ZNF395: variants seen among roughly 807,000 people sequenced by gnomAD.
ZNF395 encodes the protein zinc finger protein 395.
In ZNF395, 20 loss-of-function variants were observed where a neutral mutation model predicts 57.7. The observed-to-expected ratio is 0.35, with a 90% CI of 0.24 to 0.50. The LOEUF is 0.50. Ranked by LOEUF, ZNF395 falls within the 20% of genes least tolerant of loss-of-function variation. The pLI, the probability that ZNF395 is intolerant of heterozygous loss-of-function variation, is 0.97. For missense variants in ZNF395, 606 were observed against 671.2 expected, an observed-to-expected ratio of 0.90 and a Z score of 1.07; for synonymous variants, 295 against 275.9, an observed-to-expected ratio of 1.07 and a Z score of -0.69.
chr8:28,385,606 TG>T (rs1445404295), intron 1 of ZNF395, among the ~76,000 whole-genome samples: 1 of 147,946 alleles, frequency 6.8e-6, no homozygotes, highest in Non-Finnish European at 1.5e-5. Context: ...CCGGCCGGAG[TG>T]GGCAGGAACC....
rs1801636667 is a variant in ZNF395 at position 28,348,562 on chromosome 8, G to A, written c.*157C>T. ...AAAAAATAAAATGTTCGCACAATGG[G>A]AGAAAATTGCTTTAAGTGTTACACC... On this transcript the variant is annotated 3_prime_UTR_variant, in exon 10 of 10. Coordinates refer to ENST00000344423, the MANE Select transcript of ZNF395 (RefSeq NM_018660.3). 7.7e-6 allele frequency: 5 copies of A among 646,350 alleles called. No individual in the cohort carries two copies. The East Asian group carries it at 1.4e-4, about 18-fold the overall frequency. The allele number at this position is 646,350 out of a possible 1,614,324, so 40.0% of individuals were successfully genotyped here. A position where few individuals can be genotyped will look rare whatever the true frequency, so the allele number is the denominator to read the frequency against.
rs1046781457 is a variant in ZNF395, at chr8:28,346,504, G to C, written c.*2215C>G. ...GCAGGGAAGGTGGCACCAAAACCTA[G>C]TAAGAACAAAGCAAAACCACCGTGG... On this transcript the variant is annotated 3_prime_UTR_variant, in exon 10 of 10. Coordinates refer to ENST00000344423, the MANE Select transcript of ZNF395 (RefSeq NM_018660.3). The C allele has an allele frequency of 6.6e-6, 1 of 152,448 alleles. No homozygotes were observed. Among genetic ancestry groups the C allele is most frequent in the African/African-American group, 2.4e-5 (1 of 41,434 alleles). The allele number at this position is 152,448 out of a possible 1,614,324, so 9.4% of individuals were successfully genotyped here.
intron 1 of ZNF395, 27 bp from the exon 2 acceptor site, chr8:28,361,209 G>A (rs771970906): frequency 1.6e-5 from 26 of 1,591,628 alleles, no homozygotes; most frequent in East Asian, 1.3e-4. Context: ...GCTTTCAGGA[G>A]GGAGCCCCAC....
At chr8:28,379,198 T>C (rs1340986376) in intron 1 of ZNF395, among the ~76,000 whole-genome samples, 1 of 152,240 alleles carries the variant, frequency 6.6e-6, no homozygotes, top group Non-Finnish European at 1.5e-5. Context: ...TTCCCTATCC[T>C]ACAGCATCCT....
Position 28,351,681 on chromosome 8 carries a change from G to A in ZNF395, c.1047C>T (p.Pro349=), listed in dbSNP as rs1288339539. The change falls in exon 7 of 10, where the codon CCC becomes CCT. Residue 349 remains proline (P), a synonymous_variant. Coordinates refer to ENST00000344423, the MANE Select transcript of ZNF395 (RefSeq NM_018660.3). ...AAAGTPVPGT[P]TSEPAPTPSM... ...TGGGGGTGGGAGCTGGCTCGGAGGT[G>A]GGAGTCCCAGGGACTGGGGTGCCTG... 6 of 1,612,146 alleles carry A rather than the reference G, an allele frequency of 3.7e-6. No individual in the cohort carries two copies. Among genetic ancestry groups the A allele is most frequent in the South Asian group, 2.2e-5 (2 of 91,090 alleles).
At chr8:28,368,820 T>C (rs1429166138) in intron 1 of ZNF395, among the ~76,000 whole-genome samples, 1 of 152,140 alleles carries the variant, frequency 6.6e-6, no homozygotes, top group Non-Finnish European at 1.5e-5. Context: ...CACAGGAACA[T>C]GGACTCTACT....
chr8:28,356,676 A>G lies in ZNF395; in HGVS notation c.577T>C (p.Phe193Leu). 1.2e-6 allele frequency: 2 copies of G among 1,613,846 alleles called. No homozygotes were observed. Among genetic ancestry groups the G allele is most frequent in the Non-Finnish European group, 8.5e-7 (1 of 1,179,826 alleles). ...VQSPPGTEAN[F>L]SASRAACDPW... ...CTGGGCCCCGCTTGCTCACCAGAGA[A>G]GTTGGCCTCGGTCCCGGGAGGACTC... is the stretch of plus-strand genomic sequence containing the variant. The change falls in exon 4 of 10, where the codon TTC becomes CTC. Residue 193 changes from phenylalanine to leucine, a missense_variant. Phe to Leu is a conservative substitution (Grantham distance 22, BLOSUM62 0). Coordinates refer to ENST00000344423, the MANE Select transcript of ZNF395 (RefSeq NM_018660.3). This position sits in a 1 kb window ranked among gnomAD's most constrained non-coding sequence, Gnocchi z 4.0.
intron 1 of ZNF395, among the ~76,000 whole-genome samples, chr8:28,380,659 T>TA (rs1383636280): frequency 6.6e-6 from 1 of 152,218 alleles, no homozygotes; most frequent in African/African-American, 2.4e-5. Flanking sequence ...AAAAAACTGT[T>TA]AAATACTTTA....
At position 28,348,753 on chromosome 8, in the gene ZNF395, C is replaced by CGGCA. The variant is rs1801639296; in HGVS notation, c.1504_1507dup (p.Arg503LeufsTer57). 6.2e-7 allele frequency: 1 copy of CGGCA among 1,613,960 alleles called. No individual in the cohort carries two copies. On this transcript the variant is annotated frameshift_variant, in exon 10 of 10. Coordinates refer to ENST00000344423, the MANE Select transcript of ZNF395 (RefSeq NM_018660.3). LOFTEE classifies it high-confidence loss of function. ...AAAGCGCTGGCAGGCCTTCTTCCAC[C>CGGCA]GGCAGGCCGTGCACCACTGGTCCCG...
At chr8:28,363,593 C>T (rs1266444190) in intron 1 of ZNF395, among the ~76,000 whole-genome samples, 1 of 151,976 alleles carries the variant, frequency 6.6e-6, no homozygotes, top group Admixed American at 6.6e-5. Context: ...CAGCATCAAC[C>T]CAGAGAAAGA....
At position 28,352,555 on chromosome 8, in the gene ZNF395, C is replaced by A. The variant is rs1010424570; in HGVS notation, c.920+18G>T. 2 of 1,609,288 alleles carry A rather than the reference C, an allele frequency of 1.2e-6. No homozygotes were observed. Among genetic ancestry groups the A allele is most frequent in the Non-Finnish European group, 1.7e-6 (2 of 1,175,870 alleles). On this transcript the variant is annotated intron_variant, in intron 6 of 9. Coordinates refer to ENST00000344423, the MANE Select transcript of ZNF395 (RefSeq NM_018660.3). This position sits in a 1 kb window ranked among gnomAD's most constrained non-coding sequence, Gnocchi z 4.0. ...CCCACACGCGACCCTAGGCTAGAGG[C>A]CCTGGGCTCGCACATACCCCAGATG...
chr8:28,360,597 G>C (rs1585856031), intron 2 of ZNF395, among the ~76,000 whole-genome samples: 1 of 152,240 alleles, frequency 6.6e-6, no homozygotes, highest in East Asian at 1.9e-4. Flanking sequence ...AGAGAAACGT[G>C]GTTATGGTCA....
chr8:28,366,814 T>TA (rs5890411), intron 1 of ZNF395, among the ~76,000 whole-genome samples: 41,432 of 133,680 alleles, frequency 0.31, 6,408 homozygotes, highest in East Asian at 0.48. Context: ...AAAGAAAGTT[T>TA]AAAAAAAAAA....
At chr8:28,383,979 G>T (rs1802140791) in intron 1 of ZNF395, among the ~76,000 whole-genome samples, 1 of 152,086 alleles carries the variant, frequency 6.6e-6, no homozygotes, top group African/African-American at 2.4e-5. Flanking sequence ...TTTCCACCAA[G>T]AATTAATTTC....
At chr8:28,370,630 A>G (rs1801965729) in intron 1 of ZNF395, among the ~76,000 whole-genome samples, 1 of 152,178 alleles carries the variant, frequency 6.6e-6, no homozygotes, top group Non-Finnish European at 1.5e-5. Flanking sequence ...TGACAAAATA[A>G]ATGTGCATCA....
chr8:28,375,044 C>A (rs186672668), intron 1 of ZNF395, among the ~76,000 whole-genome samples: 4 of 152,286 alleles, frequency 2.6e-5, no homozygotes, highest in Non-Finnish European at 5.9e-5. Flanking sequence ...TTTAAACAGA[C>A]ACGCACCCCC....
At position 28,359,451 on chromosome 8, in the gene ZNF395, TTTC is replaced by T; in HGVS notation, c.473+138_473+140del. On this transcript the variant is annotated intron_variant, in intron 3 of 9. Transcript: ENST00000344423. This position sits in a 1 kb window ranked among gnomAD's most constrained non-coding sequence, Gnocchi z 4.7. ...TCTGGTTTTCTTAAAAGATTCCCCT[TTTC>T]TGTGTCCCATTTGTCCCAATATCTT... 2 of 1,221,018 alleles carry T rather than the reference TTTC, an allele frequency of 1.6e-6. No individual in the cohort carries two copies. 75.6% of individuals were successfully genotyped at this position (1,221,018 alleles called of 1,614,324 possible). A position where few individuals can be genotyped will look rare whatever the true frequency, so the allele number is the denominator to read the frequency against.
intron 1 of ZNF395, among the ~76,000 whole-genome samples, chr8:28,375,608 T>C (rs1189472766): frequency 1.3e-5 from 2 of 152,176 alleles, no homozygotes; most frequent in Non-Finnish European, 2.9e-5. Flanking sequence ...CTGTGCTGTA[T>C]GTAAATTACA....
At chr8:28,366,982 C>A (rs535716628) in intron 1 of ZNF395, among the ~76,000 whole-genome samples, 7 of 152,002 alleles carry the variant, frequency 4.6e-5, no homozygotes, top group Admixed American at 3.9e-4. Flanking sequence ...GTCCTGTTAC[C>A]CTATTTTTAA....
Sources: allele counts gnomAD v4.1 joint callset (sites outside exome capture counted in the v4.1 genomes callset), GRCh38; gene constraint gnomAD v4.1.1; non-coding constraint Gnocchi (gnomAD v3.1); transcripts MANE v1.5; gene names NCBI Gene and HGNC (gene_info 2026-07-23, HGNC 2026-07-21).